The following SYNDIG1 variants were observed in gnomAD, a reference collection of about 807,000 sequenced individuals.
SYNDIG1 encodes synapse differentiation-inducing gene protein 1.
A neutral mutation model predicts 19.4 loss-of-function variants in SYNDIG1; 9 were observed. The observed-to-expected ratio is 0.46, with a 90% CI of 0.28 to 0.81. The LOEUF is 0.81. SYNDIG1 is among the 30% of genes least tolerant of loss of function. The pLI is 0.12. For missense variants in SYNDIG1, 311 were observed against 343.3 expected (o/e 0.91, Z 0.74); for synonymous variants, 141 against 145.9 (o/e 0.97, Z 0.24).
At chr20:24,642,703 G>GT (rs2059389959) in intron 3 of SYNDIG1, among the ~76,000 whole-genome samples, 1 of 151,728 alleles carries the variant, frequency 6.6e-6, no homozygotes, top group South Asian at 2.1e-4. Flanking sequence ...ACATCCTTTT[G>GT]TTTTTTGAAG....
At chr20:24,539,482 G>C (rs2057425084) in intron 1 of SYNDIG1, among the ~76,000 whole-genome samples, 1 of 152,198 alleles carries the variant, frequency 6.6e-6, no homozygotes, top group Non-Finnish European at 1.5e-5. Flanking sequence ...ATATCACACT[G>C]TTTTGATTCT....
intron 1 of SYNDIG1, among the ~76,000 whole-genome samples, chr20:24,482,837 C>T (rs917300195): frequency 6.6e-6 from 1 of 152,078 alleles, no homozygotes; most frequent in Admixed American, 6.5e-5. Context: ...ATATGTTGAA[C>T]ATTTGTGTGA....
At position 24,476,193 on chromosome 20, in the gene SYNDIG1, T is replaced by TATTTTAGAACCATAGACATGAAATG. The variant is rs2055620656; in HGVS notation, c.-79+6440_-79+6441insATTTTAGAACCATAGACATGAAATG. Among the ~76,000 whole-genome samples the TATTTTAGAACCATAGACATGAAATG allele has an allele frequency of 2.6e-5, 4 of 151,902 alleles. 2 individuals carry two copies. In the East Asian group the frequency reaches 8.3e-4, roughly 31 times the overall value. The stretch of plus-strand genomic sequence containing the variant: ...CATAGTATCTTAACAGTTTTTTTTC[T>TATTTTAGAACCATAGACATGAAATG]TATATACTAAACCCAGAGATACAGC... On this transcript the variant is annotated intron_variant, in intron 1 of 3. Transcript: ENST00000376862.
rs1189744909 is a variant in SYNDIG1, at chr20:24,607,531, G to A, written c.618+22538G>A. Among the ~76,000 whole-genome samples, 7 of 152,138 alleles carry A rather than the reference G, an allele frequency of 4.6e-5. No homozygotes were observed. In the South Asian group the frequency reaches 6.2e-4, roughly 14 times the overall value. ...GCTAGGAAGAGCCTCGGCCCATGAC[G>A]AATGTTCACCCCTCCTGCTGCCTGG... On this transcript the variant is annotated intron_variant, in intron 3 of 3. Transcript: ENST00000376862.
chr20:24,537,676 A>T (rs866849139), intron 1 of SYNDIG1, among the ~76,000 whole-genome samples: 7 of 152,148 alleles, frequency 4.6e-5, no homozygotes, highest in African/African-American at 1.4e-4. Context: ...TGGTGGGTTC[A>T]TCGGGGATCC....
chr20:24,512,918 T>G (rs758616519), intron 1 of SYNDIG1, among the ~76,000 whole-genome samples: 10 of 152,172 alleles, frequency 6.6e-5, no homozygotes, highest in Non-Finnish European at 1.2e-4. Context: ...GGTACCCCTC[T>G]GAGATGAAGC....
At chr20:24,645,779 GGCTGAAAAT>G (rs1302974982) in intron 3 of SYNDIG1, among the ~76,000 whole-genome samples, 1 of 152,200 alleles carries the variant, frequency 6.6e-6, no homozygotes, top group Non-Finnish European at 1.5e-5. Flanking sequence ...TGTATTCACA[GGCTGAAAAT>G]GCTCAGCAAA....
chr20:24,634,885 TC>T (rs1250477529), intron 3 of SYNDIG1, among the ~76,000 whole-genome samples: 1 of 152,152 alleles, frequency 6.6e-6, no homozygotes, highest in Non-Finnish European at 1.5e-5. Context: ...GGCACTACAG[TC>T]CAGTTCTTTA....
At chr20:24,490,830 C>G (rs2056126121) in intron 1 of SYNDIG1, among the ~76,000 whole-genome samples, 1 of 152,218 alleles carries the variant, frequency 6.6e-6, no homozygotes, top group Admixed American at 6.5e-5. Context: ...CAGAGGAGGG[C>G]AGGCAGATGT....
At chr20:24,583,267 G>T (rs1049872887) in intron 2 of SYNDIG1, among the ~76,000 whole-genome samples, 1 of 152,234 alleles carries the variant, frequency 6.6e-6, no homozygotes. Context: ...CCACGCAAGT[G>T]CTGCACTCAC....
At chr20:24,569,042 C>T (rs1600649353) in intron 2 of SYNDIG1, among the ~76,000 whole-genome samples, 1 of 152,184 alleles carries the variant, frequency 6.6e-6, no homozygotes, top group South Asian at 2.1e-4. Flanking sequence ...TGTGAGGAGA[C>T]AGTGCAGGTG....
intron 1 of SYNDIG1, among the ~76,000 whole-genome samples, chr20:24,539,873 T>G (rs2057435315): frequency 6.6e-6 from 1 of 152,088 alleles, no homozygotes; most frequent in Non-Finnish European, 1.5e-5. Context: ...CTGCCTCCTG[T>G]GTTCAAGAAA....
intron 3 of SYNDIG1, among the ~76,000 whole-genome samples, chr20:24,609,371 G>A (rs887176262): frequency 3.3e-5 from 5 of 152,136 alleles, no homozygotes; most frequent in South Asian, 2.1e-4. Flanking sequence ...CCTTTTAGAC[G>A]GGGCACTCTT....
chr20:24,602,548 C>T lies in SYNDIG1; in HGVS notation c.618+17555C>T, dbSNP rs1476049415. Among the ~76,000 whole-genome samples the T allele has an allele frequency of 2.6e-5, 4 of 152,200 alleles. No individual in the cohort carries two copies. The East Asian group carries it at 7.7e-4, about 29-fold the overall frequency. Reference sequence around the variant, plus strand: ...GAAATCCAACTTGGATTCCTATGATCTCACAAAGTAACCCAAAATTCACCC... The same window carrying T: ...GAAATCCAACTTGGATTCCTATGATTTCACAAAGTAACCCAAAATTCACCC... On this transcript the variant is annotated intron_variant, in intron 3 of 3. Coordinates refer to ENST00000376862, the MANE Select transcript of SYNDIG1 (RefSeq NM_024893.3).
At chr20:24,610,437 T>C (rs2058828310) in intron 3 of SYNDIG1, among the ~76,000 whole-genome samples, 3 of 152,220 alleles carry the variant, frequency 2.0e-5, no homozygotes, top group Middle Eastern at 3.2e-3. Context: ...TGTTTATGCA[T>C]GTAGCTCTGC....
chr20:24,514,402 T>C (rs1005213130), intron 1 of SYNDIG1, among the ~76,000 whole-genome samples: 2 of 152,058 alleles, frequency 1.3e-5, no homozygotes, highest in Non-Finnish European at 2.9e-5. Flanking sequence ...GAGATAAACA[T>C]AGGCTCAAAG....
Position 24,602,569 on chromosome 20 carries a change from C to T in SYNDIG1, c.618+17576C>T, listed in dbSNP as rs559010542. Among the ~76,000 whole-genome samples the T allele has an allele frequency of 7.2e-5, 11 of 152,316 alleles. No homozygotes were observed. In the South Asian group the frequency reaches 2.1e-3, roughly 29 times the overall value. Reference sequence around the variant, plus strand: ...TGATCTCACAAAGTAACCCAAAATTCACCCTCTCAGACACCTCTTATGGTC... The same window carrying T: ...TGATCTCACAAAGTAACCCAAAATTTACCCTCTCAGACACCTCTTATGGTC... On this transcript the variant is annotated intron_variant, in intron 3 of 3. Transcript: ENST00000376862.
chr20:24,559,749 G>A (rs570246642), intron 2 of SYNDIG1, among the ~76,000 whole-genome samples: 3 of 152,098 alleles, frequency 2.0e-5, no homozygotes, highest in Admixed American at 6.5e-5. Flanking sequence ...GTTGGATATC[G>A]AATTCTCGTT....
intron 1 of SYNDIG1, among the ~76,000 whole-genome samples, chr20:24,510,875 A>C (rs1231096824): frequency 6.6e-6 from 1 of 152,144 alleles, no homozygotes; most frequent in Non-Finnish European, 1.5e-5. Flanking sequence ...TATGTCTTTC[A>C]TAATTTCCAT....
Sources: gnomAD v4.1 joint callset for allele counts (sites outside exome capture counted in the v4.1 genomes callset) on GRCh38, gnomAD v4.1.1 for gene constraint, MANE v1.5 for transcripts, NCBI Gene and HGNC (gene_info 2026-07-23, HGNC 2026-07-21) for gene names.